The following MYO7A variants were observed in gnomAD, a reference collection of about 807,000 sequenced individuals.
The protein encoded by MYO7A is myosin VIIA.
In MYO7A, 210 loss-of-function variants were observed where a neutral mutation model predicts 263.8. The ratio of observed to expected loss-of-function variants is 0.80; its 90% CI spans 0.71 to 0.89. The LOEUF (loss-of-function observed/expected upper bound fraction) is 0.89, where lower values mean the gene tolerates loss of function less well. Ranked by LOEUF, MYO7A falls within the 40% of genes least tolerant of loss-of-function variation. MYO7A has a pLI of 0.00. For missense variants in MYO7A, 2,820 were observed against 2,968.3 expected (o/e 0.95, Z 1.16); for synonymous variants, 1,239 against 1,197.3 (o/e 1.03, Z -0.72).
intron 11 of MYO7A, among the ~76,000 whole-genome samples, chr11:77,160,694 G>A (rs1366693213): frequency 6.6e-6 from 1 of 152,182 alleles, no homozygotes; most frequent in Non-Finnish European, 1.5e-5. Context: ...ACATAGAGAT[G>A]AGAGCCCCAA....
intron 35 of MYO7A, among the ~76,000 whole-genome samples, chr11:77,200,873 C>T (rs930774899): frequency 4.6e-5 from 7 of 152,180 alleles, no homozygotes; most frequent in Non-Finnish European, 1.0e-4. Context: ...CTGAGGCTAC[C>T]GAGGCCCTGG....
intron 4 of MYO7A, 49 bp from the exon 5 acceptor site, chr11:77,155,858 G>C: frequency 2.7e-6 from 4 of 1,504,790 alleles, no homozygotes; most frequent in Non-Finnish European, 3.6e-6. Context: ...TCTAGAGTCA[G>C]AGTCTCCCAC....
At chr11:77,198,195 A>C (rs1348359392) in intron 33 of MYO7A, among the ~76,000 whole-genome samples, 1 of 152,062 alleles carries the variant, frequency 6.6e-6, no homozygotes, top group Non-Finnish European at 1.5e-5. Flanking sequence ...GGCCGGAGGG[A>C]ACCCTGGGCC....
chr11:77,133,126 C>A (rs1555046489), intron 2 of MYO7A, among the ~76,000 whole-genome samples: 1 of 152,082 alleles, frequency 6.6e-6, no homozygotes, highest in Non-Finnish European at 1.5e-5. Flanking sequence ...TGAGAGGGCA[C>A]CTGGGAATGG....
intron 19 of MYO7A, 134 bp from the exon 20 acceptor site, chr11:77,178,911 T>C (rs1385572525): frequency 5.7e-5 from 38 of 670,020 alleles, no homozygotes; most frequent in Non-Finnish European, 1.0e-4. Flanking sequence ...GGCACAGAAG[T>C]TATGTGCCTT....
chr11:77,201,624 C>G lies in MYO7A; in HGVS notation c.5029C>G (p.Pro1677Ala). The change falls in exon 36 of 49, where the codon CCG becomes GCG. Residue 1677 changes from proline to alanine, a missense_variant. Coordinates refer to ENST00000409709, the MANE Select transcript of MYO7A (RefSeq NM_000260.4). ...VYVMPTVTMP[P>A]REIVALVTMT... is the part of the protein sequence containing the mutation. ...CGTCATGCCCACTGTCACCATGCCA[C>G]CGCGGGAGATTGTGGTATGTGGCCT... 1 of 1,613,382 alleles carries G rather than the reference C, an allele frequency of 6.2e-7. No individual in the cohort carries two copies. Among genetic ancestry groups the G allele is most frequent in the Non-Finnish European group, 8.5e-7 (1 of 1,179,488 alleles).
At chr11:77,211,084 G>A in intron 44 of MYO7A, 68 bp from the exon 45 acceptor site, 1 of 1,409,410 alleles carries the variant, frequency 7.1e-7, no homozygotes, top group Non-Finnish European at 9.6e-7. Flanking sequence ...GGGGGTCTTG[G>A]TGTGGTGGGA....
chr11:77,134,593 A>G (rs534800506), intron 2 of MYO7A, among the ~76,000 whole-genome samples: 26 of 151,994 alleles, frequency 1.7e-4, no homozygotes, highest in Non-Finnish European at 3.4e-4. Flanking sequence ...TCAGCCTCCT[A>G]AGTGGCTGGG....
rs397516307 is a variant in MYO7A at position 77,194,452 on chromosome 11, C to G, written c.4251C>G (p.Ile1417Met). ...TCCTGAACCTCGTGCCCACCTACAT[C>G]CCCGACCGCGAGATCACGCCCCTGA... is the stretch of plus-strand genomic sequence containing the variant. ...ERLLNLVPTYIPDREITPLKT... is the reference protein window; with the variant it reads ...ERLLNLVPTYMPDREITPLKT... Residue 1417 changes from isoleucine to methionine, a missense_variant, in exon 32 of 49, where the codon ATC (isoleucine) becomes ATG (methionine). Transcript: ENST00000409709. 1 of 1,610,990 alleles carries G rather than the reference C, an allele frequency of 6.2e-7. No homozygotes were observed. The highest frequency in any genetic ancestry group is 1.7e-5 in the Admixed American group (1 of 59,630).
chr11:77,206,828 A>C (rs1957472362), intron 41 of MYO7A, among the ~76,000 whole-genome samples: 2 of 152,190 alleles, frequency 1.3e-5, no homozygotes, highest in Non-Finnish European at 1.5e-5. Flanking sequence ...TTTCATTTGC[A>C]AGGACCAAAG....
rs4945156 is a variant in MYO7A, at chr11:77,181,133, G to A, written c.2695-247G>A. ...ATGTCTGGGTTGGTGTGGTCCCCAT[G>A]GAGCAGGCTCCTGGAGGAGGTGGCT... On this transcript the variant is annotated intron_variant, in intron 22 of 48. Transcript: ENST00000409709. 0.17 allele frequency among the ~76,000 whole-genome samples: 26,296 copies of A among 152,234 alleles called. 2,516 individuals carry two copies. Among genetic ancestry groups the A allele is most frequent in the East Asian group, 0.28 (1,433 of 5,156 alleles).
chr11:77,139,167 G>A (rs1555049169), intron 2 of MYO7A, among the ~76,000 whole-genome samples: 2 of 152,196 alleles, frequency 1.3e-5, no homozygotes, highest in Admixed American at 1.3e-4. Context: ...GAAAGATTGA[G>A]TGCCTCACCC....
chr11:77,175,003 G>GC, intron 17 of MYO7A, 89 bp downstream of exon 17: 1 of 1,520,786 alleles, frequency 6.6e-7, no homozygotes, highest in Non-Finnish European at 8.9e-7. Context: ...GACCATGGGC[G>GC]GGGCTTGACA....
At chr11:77,202,562 G>A in intron 37 of MYO7A, 138 bp downstream of exon 37, 2 of 1,165,336 alleles carry the variant, frequency 1.7e-6, no homozygotes, top group Non-Finnish European at 2.3e-6. Flanking sequence ...CTGGAGGGCT[G>A]TTTCTGTCTG....
At chr11:77,172,660 C>A in intron 15 of MYO7A, 88 bp from the exon 16 acceptor site, 1 of 1,511,788 alleles carries the variant, frequency 6.6e-7, no homozygotes, top group South Asian at 1.2e-5. Context: ...ACCCCGCTGA[C>A]CTCCCCTCCC....
intron 4 of MYO7A, among the ~76,000 whole-genome samples, 163 bp downstream of exon 4, chr11:77,148,113 C>A (rs1182121786): frequency 3.3e-5 from 5 of 152,206 alleles, no homozygotes; most frequent in Non-Finnish European, 7.4e-5. Flanking sequence ...TGCTGGGGCC[C>A]ATCTGCCGGC....
intron 32 of MYO7A, among the ~76,000 whole-genome samples, chr11:77,195,546 T>C (rs1453555950): frequency 2.6e-5 from 4 of 152,288 alleles, no homozygotes; most frequent in Non-Finnish European, 4.4e-5. Context: ...GGTGGGGTGC[T>C]ATTATTATGC....
At chr11:77,208,948 C>T in intron 44 of MYO7A, 145 bp downstream of exon 44, 1 of 666,880 alleles carries the variant, frequency 1.5e-6, no homozygotes, top group Non-Finnish European at 2.6e-6. Flanking sequence ...ACCACTGGAG[C>T]CCCAAGGGAT....
At chr11:77,154,527 C>T (rs557439286) in intron 4 of MYO7A, among the ~76,000 whole-genome samples, 6 of 152,278 alleles carry the variant, frequency 3.9e-5, no homozygotes, top group Non-Finnish European at 7.4e-5. Context: ...AGACCAACTG[C>T]GGAGGGCGGG....
Sources: gnomAD v4.1 joint callset for allele counts (sites outside exome capture counted in the v4.1 genomes callset) on GRCh38, gnomAD v4.1.1 for gene constraint, MANE v1.5 for transcripts, NCBI Gene and HGNC (gene_info 2026-07-23, HGNC 2026-07-21) for gene names.